Variants in BCAS3 observed in about 807,000 individuals in gnomAD.
The protein encoded by BCAS3 is BCAS4/BCAS3 fusion.
BCAS3 carries 53 observed loss-of-function variants against 116.1 expected under a neutral mutation model. That is an observed-to-expected ratio of 0.46 (90% confidence interval 0.37 to 0.57). The LOEUF (loss-of-function observed/expected upper bound fraction) is 0.57. Ranked by LOEUF, BCAS3 falls within the 20% of genes least tolerant of loss-of-function variation. The pLI is 0.00. For missense variants in BCAS3, 917 were observed against 1,165.4 expected (o/e 0.79, Z 3.10); for synonymous variants, 391 against 408.2 (o/e 0.96, Z 0.51).
rs1398627184 is a variant in BCAS3, at chr17:61,156,983, A to C, written c.2425+72419A>C. ...TCACTCTCCTATAAATTTAGTATTA[A>C]ATTTCAAAATACGTATTTGTTTTAA... On this transcript the variant is annotated intron_variant, in intron 22 of 23. Transcript: ENST00000407086. This position sits in a 1 kb window ranked among gnomAD's most constrained non-coding sequence, Gnocchi z 4.7. Among the ~76,000 whole-genome samples, 2 of 152,226 alleles carry C rather than the reference A, an allele frequency of 1.3e-5. No individual in the cohort carries two copies. The highest frequency in any genetic ancestry group is 2.9e-5 in the Non-Finnish European group (2 of 68,022).
At position 61,140,169 on chromosome 17, in the gene BCAS3, G is replaced by A. The variant is rs546596702; in HGVS notation, c.2425+55605G>A. Among the ~76,000 whole-genome samples, 30 of 152,156 alleles carry A rather than the reference G, an allele frequency of 2.0e-4. No homozygotes were observed. The highest frequency in any genetic ancestry group is 5.9e-5 in the Non-Finnish European group (4 of 68,012). ...GGAGAATCACTGGAACCCAGAAGGC[G>A]GAGGTTGCAGTGAGTCAGGATCACA... On this transcript the variant is annotated intron_variant, in intron 22 of 23. Coordinates refer to ENST00000407086, the MANE Select transcript of BCAS3 (RefSeq NM_017679.5). This position sits in a 1 kb window ranked among gnomAD's most constrained non-coding sequence, Gnocchi z 4.2.
At position 60,993,260 on chromosome 17, in the gene BCAS3, G is replaced by A. The variant is rs2063644151; in HGVS notation, c.1486+3025G>A. On this transcript the variant is annotated intron_variant, in intron 15 of 23. Coordinates refer to ENST00000407086, the MANE Select transcript of BCAS3 (RefSeq NM_017679.5). This position sits in a 1 kb window ranked among gnomAD's most constrained non-coding sequence, Gnocchi z 4.2. Reference sequence around the variant, plus strand: ...GGTTGCAAAGTGCCAGTCAATGAAGGATTTCATCATTTGTGAAAGGACAGT... The same window carrying A: ...GGTTGCAAAGTGCCAGTCAATGAAGAATTTCATCATTTGTGAAAGGACAGT... Among the ~76,000 whole-genome samples, 1 of 152,100 alleles carries A rather than the reference G, an allele frequency of 6.6e-6. No individual in the cohort carries two copies. Among genetic ancestry groups the A allele is most frequent in the Non-Finnish European group, 1.5e-5 (1 of 67,996 alleles).
chr17:60,680,087 T>A (rs909046942), intron 2 of BCAS3, among the ~76,000 whole-genome samples: 3 of 139,022 alleles, frequency 2.2e-5, no homozygotes, highest in Non-Finnish European at 4.5e-5. Context: ...TGAGCTGAGA[T>A]CGCGCCACTG....
chr17:61,027,465 A>G lies in BCAS3; in HGVS notation c.1638-7201A>G, dbSNP rs186184300. On this transcript the variant is annotated intron_variant, in intron 16 of 23. Transcript: ENST00000407086. ...CCTAAATAATTTATTATTTTGAATT[A>G]TTAGCACATACTCATCATAGCTTAA... is the stretch of plus-strand genomic sequence containing the variant. 6 of 424,580 alleles carry G rather than the reference A, an allele frequency of 1.4e-5. 1 individual carries two copies. The Admixed American group carries it at 1.6e-4, about 11-fold the overall frequency. The allele number at this position is 424,580 out of a possible 1,614,324, so 26.3% of individuals were successfully genotyped here. A position where few individuals can be genotyped will look rare whatever the true frequency, so the allele number is the denominator to read the frequency against.
intron 13 of BCAS3, among the ~76,000 whole-genome samples, chr17:60,942,469 T>A (rs768799995): frequency 7.2e-5 from 11 of 152,114 alleles, no homozygotes; most frequent in Non-Finnish European, 1.3e-4. Context: ...AAATTTATTG[T>A]TTGAATAACA....
In BCAS3 at chr17:61,199,732, G is replaced by A. The variant is rs201836426; in HGVS notation, c.2425+115168G>A. 0.03 allele frequency among the ~76,000 whole-genome samples: 4,623 copies of A among 152,218 alleles called. 189 individuals are homozygous for A. Among genetic ancestry groups the A allele is most frequent in the East Asian group, 0.21 (1,062 of 5,170 alleles). ...AGCTTAATTTTGATAGGATCCCTAT[G>A]ATCTTTGTAAGCGTATTCATGCCAG... On this transcript the variant is annotated intron_variant, in intron 22 of 23. Transcript: ENST00000407086. This position sits in a 1 kb window ranked among gnomAD's most constrained non-coding sequence, Gnocchi z 4.6.
intron 13 of BCAS3, among the ~76,000 whole-genome samples, chr17:60,938,574 A>G (rs1445643298): frequency 6.6e-6 from 1 of 152,208 alleles, no homozygotes; most frequent in Non-Finnish European, 1.5e-5. Context: ...GTAAGGTTAT[A>G]TCCTTAAACT....
chr17:61,168,156 T>C (rs2078627900), intron 22 of BCAS3, among the ~76,000 whole-genome samples: 1 of 152,200 alleles, frequency 6.6e-6, no homozygotes, highest in African/African-American at 2.4e-5. Context: ...TTTTCTTTTT[T>C]CCCATCTGTC....
At position 61,376,119 on chromosome 17, in the gene BCAS3, C is replaced by T. The variant is rs1208786641; in HGVS notation, c.2593+7625C>T. 1.3e-5 allele frequency among the ~76,000 whole-genome samples: 2 copies of T among 152,118 alleles called. No homozygotes were observed. The highest frequency in any genetic ancestry group is 2.9e-5 in the Non-Finnish European group (2 of 68,032). ...CTACTGGCCCAACTCATTGCAAGGC[C>T]ATGGAAATAGGAACTGACAGTGTTG... On this transcript the variant is annotated intron_variant, in intron 23 of 23. Coordinates refer to ENST00000407086, the MANE Select transcript of BCAS3 (RefSeq NM_017679.5). The surrounding 1 kb of genome is among the most constrained non-coding windows in gnomAD (Gnocchi z 4.5).
At chr17:60,922,401 A>G (rs1244703455) in intron 12 of BCAS3, among the ~76,000 whole-genome samples, 1 of 152,186 alleles carries the variant, frequency 6.6e-6, no homozygotes, top group Non-Finnish European at 1.5e-5. Context: ...CTGGGATTAC[A>G]GGCATGAGCC....
Position 61,265,122 on chromosome 17 carries a change from G to A in BCAS3, c.2426-103205G>A, listed in dbSNP as rs892516326. On this transcript the variant is annotated intron_variant, in intron 22 of 23. Transcript: ENST00000407086. This position sits in a 1 kb window ranked among gnomAD's most constrained non-coding sequence, Gnocchi z 4.3. ...TACATGGAGTACTATATATAAGAAA[G>A]CACAATACCAGCCAGGCGCAATGGC... Among the ~76,000 whole-genome samples, 4 of 152,050 alleles carry A rather than the reference G, an allele frequency of 2.6e-5. No homozygotes were observed. The highest frequency in any genetic ancestry group is 6.6e-5 in the Admixed American group (1 of 15,262).
intron 14 of BCAS3, among the ~76,000 whole-genome samples, chr17:60,953,417 T>C (rs181526651): frequency 6.6e-6 from 1 of 152,058 alleles, no homozygotes; most frequent in Non-Finnish European, 1.5e-5. Context: ...GGTTTTTTGT[T>C]TTTTTTTCTT....
In BCAS3 at chr17:61,265,923, A is replaced by G. The variant is rs746639579; in HGVS notation, c.2426-102404A>G. Reference sequence around the variant, plus strand: ...CTCTATATAAAAGACAAATGTCTTTATCTTGTGGAAAATCCAGTGTCACCT... The same window carrying G: ...CTCTATATAAAAGACAAATGTCTTTGTCTTGTGGAAAATCCAGTGTCACCT... On this transcript the variant is annotated intron_variant, in intron 22 of 23. Coordinates refer to ENST00000407086, the MANE Select transcript of BCAS3 (RefSeq NM_017679.5). The surrounding 1 kb of genome is among the most constrained non-coding windows in gnomAD (Gnocchi z 4.3). Among the ~76,000 whole-genome samples the G allele has an allele frequency of 4.6e-5, 7 of 152,198 alleles. No individual in the cohort carries two copies. The highest frequency in any genetic ancestry group is 7.4e-5 in the Non-Finnish European group (5 of 68,022).
chr17:60,929,420 C>T (rs994805360), intron 13 of BCAS3, among the ~76,000 whole-genome samples: 1 of 151,888 alleles, frequency 6.6e-6, no homozygotes, highest in African/African-American at 2.4e-5. Flanking sequence ...AGAGTAAGAG[C>T]CTGTCTGGAA....
rs545044775 is a variant in BCAS3, at chr17:61,162,226, G to A, written c.2425+77662G>A. On this transcript the variant is annotated intron_variant, in intron 22 of 23. Coordinates refer to ENST00000407086, the MANE Select transcript of BCAS3 (RefSeq NM_017679.5). The surrounding 1 kb of genome is among the most constrained non-coding windows in gnomAD (Gnocchi z 5.6). Reference sequence around the variant, plus strand: ...TGATTGCAATGTGTATGGAGCCACGGTTCTTACAGGAGTGGGTATGGTTCA... The same window carrying A: ...TGATTGCAATGTGTATGGAGCCACGATTCTTACAGGAGTGGGTATGGTTCA... Among the ~76,000 whole-genome samples, 1 of 152,160 alleles carries A rather than the reference G, an allele frequency of 6.6e-6. No homozygotes were observed. Among genetic ancestry groups the A allele is most frequent in the Non-Finnish European group, 1.5e-5 (1 of 68,036 alleles).
intron 7 of BCAS3, among the ~76,000 whole-genome samples, chr17:60,829,357 G>A (rs1334691533): frequency 6.6e-6 from 1 of 152,000 alleles, no homozygotes; most frequent in Non-Finnish European, 1.5e-5. Context: ...AGCTGGGCAT[G>A]GTGGTTTGCG....
chr17:61,125,161 G>C (rs1209316452), intron 22 of BCAS3, among the ~76,000 whole-genome samples: 2 of 152,108 alleles, frequency 1.3e-5, no homozygotes, highest in African/African-American at 4.8e-5. Context: ...ATACTTAAAA[G>C]TTTTATGTTG....
chr17:61,290,078 G>T (rs2052236739), intron 22 of BCAS3, among the ~76,000 whole-genome samples: 1 of 152,162 alleles, frequency 6.6e-6, no homozygotes, highest in African/African-American at 2.4e-5. Context: ...CATGGGAAGG[G>T]AGTGTGGTGG....
At position 61,257,420 on chromosome 17, in the gene BCAS3, C is replaced by CAAAAAAAAA. The variant is rs35124459; in HGVS notation, c.2426-110892_2426-110884dup. The stretch of plus-strand genomic sequence containing the variant: ...TGGGAGACAGAGCGAGACTCCATCT[C>CAAAAAAAAA]AAAAAAAAAAAAAAAAAAAAAAAGG... On this transcript the variant is annotated intron_variant, in intron 22 of 23. Coordinates refer to ENST00000407086, the MANE Select transcript of BCAS3 (RefSeq NM_017679.5). Among the ~76,000 whole-genome samples, 2 of 57,214 alleles carry CAAAAAAAAA rather than the reference C, an allele frequency of 3.5e-5. 1 individual carries two copies. The allele number at this position is 57,214 out of a possible 152,430, so 37.5% of individuals were successfully genotyped here.
Sources: gnomAD v4.1 joint callset for allele counts (sites outside exome capture counted in the v4.1 genomes callset) on GRCh38, gnomAD v4.1.1 for gene constraint, Gnocchi (gnomAD v3.1) non-coding constraint, MANE v1.5 for transcripts, NCBI Gene and HGNC (gene_info 2026-07-23, HGNC 2026-07-21) for gene names.